The following TAS2R1 variants were observed in gnomAD, a reference collection of about 807,000 sequenced individuals.
TAS2R1 encodes the protein taste receptor type 2 member 1.
For missense variants in TAS2R1, 370 were observed against 353.4 expected, an observed-to-expected ratio of 1.05 and a Z score of -0.38; for synonymous variants, 141 against 134.2, an observed-to-expected ratio of 1.05 and a Z score of -0.35.
At chr5:9,864,145 G>A in the TAS2R1 span, among the ~76,000 whole-genome samples, 89 of 152,316 alleles carry the variant, frequency 5.8e-4, no homozygotes, top group Non-Finnish European at 1.1e-3. Context: ...TTCCTCAATG[G>A]AGCAGAAGCT....
chr5:9,739,058 TAACTGGAAATCAGAAACAAAGA>T, the TAS2R1 span, among the ~76,000 whole-genome samples: 1 of 152,210 alleles, frequency 6.6e-6, no homozygotes, highest in Non-Finnish European at 1.5e-5. Flanking sequence ...TAGAAAAAGC[TAACTGGAAATCAGAAACAAAGA>T]AGACAGCCTT....
chr5:9,646,903 T>C (rs1740199690), intron 2 of TAS2R1, among the ~76,000 whole-genome samples: 1 of 152,180 alleles, frequency 6.6e-6, no homozygotes, highest in African/African-American at 2.4e-5. Context: ...TGAAAACAAA[T>C]GAATACAATT....
At chr5:9,763,958 C>G in the TAS2R1 span, among the ~76,000 whole-genome samples, 1 of 152,156 alleles carries the variant, frequency 6.6e-6, no homozygotes. Context: ...ATGCAAGAAT[C>G]TAATTACTTC....
the TAS2R1 span, among the ~76,000 whole-genome samples, chr5:9,840,308 C>T: frequency 1.3e-5 from 2 of 152,152 alleles, no homozygotes; most frequent in Non-Finnish European, 2.9e-5. Context: ...ATCCAACCAT[C>T]GAGTTTACAT....
chr5:9,717,176 T>G (rs553156786), upstream of TAS2R1, among the ~76,000 whole-genome samples: 40 of 151,908 alleles, frequency 2.6e-4, no homozygotes, highest in Non-Finnish European at 4.0e-4. Flanking sequence ...CCAATACCAG[T>G]CAGGACTTGG....
At chr5:9,794,196 A>G in the TAS2R1 span, among the ~76,000 whole-genome samples, 51 of 152,292 alleles carry the variant, frequency 3.3e-4, no homozygotes, top group Middle Eastern at 3.4e-3. Context: ...TTGGGTTTTA[A>G]AATTTTTTAG....
chr5:9,696,903 C>T (rs1050332351), intron 1 of TAS2R1, among the ~76,000 whole-genome samples: 1 of 152,140 alleles, frequency 6.6e-6, no homozygotes, highest in Non-Finnish European at 1.5e-5. Flanking sequence ...ATCCCAGCTA[C>T]TTGGGAGGCT....
the TAS2R1 span, among the ~76,000 whole-genome samples, chr5:9,901,704 C>T: frequency 3.9e-5 from 6 of 152,270 alleles, no homozygotes; most frequent in South Asian, 2.1e-4. Flanking sequence ...ATAATTTCAA[C>T]TGCGCAAGCA....
chr5:9,693,331 A>AACTAAAAATACAAAATTTTTAGTTCTCT (rs1561380869), intron 1 of TAS2R1, among the ~76,000 whole-genome samples: 15 of 152,136 alleles, frequency 9.9e-5, no homozygotes, highest in African/African-American at 2.6e-4. Context: ...CAACATGGTG[A>AACTAAAAATACAAAATTTTTAGTTCTCT]ACTAAAAATA....
chr5:9,899,935 G>GT, the TAS2R1 span, among the ~76,000 whole-genome samples: 1 of 152,134 alleles, frequency 6.6e-6, no homozygotes, highest in African/African-American at 2.4e-5. Context: ...GTTGTTCCCA[G>GT]TTTTTTTCTA....
At chr5:9,711,092 A>G (rs974964986) in intron 1 of TAS2R1, among the ~76,000 whole-genome samples, 8 of 151,808 alleles carry the variant, frequency 5.3e-5, no homozygotes, top group African/African-American at 1.7e-4. Flanking sequence ...GCCTCTATGA[A>G]AAACACTATG....
the TAS2R1 span, among the ~76,000 whole-genome samples, chr5:9,823,892 A>G: frequency 6.6e-6 from 1 of 152,202 alleles, no homozygotes; most frequent in Non-Finnish European, 1.5e-5. Flanking sequence ...AGTGCCACTT[A>G]CAGAATGTGG....
At chr5:9,838,299 G>A in the TAS2R1 span, among the ~76,000 whole-genome samples, 7,796 of 152,158 alleles carry the variant, frequency 0.051, 284 homozygotes, top group East Asian at 0.19. Flanking sequence ...CCTTCTCCAG[G>A]CATATCTGTG....
chr5:9,680,924 A>G (rs1740982353), intron 1 of TAS2R1, among the ~76,000 whole-genome samples: 1 of 152,012 alleles, frequency 6.6e-6, no homozygotes, highest in Non-Finnish European at 1.5e-5. Context: ...TTAGCCAGGT[A>G]TGGTGGCAGG....
At chr5:9,767,363 T>G in the TAS2R1 span, among the ~76,000 whole-genome samples, 1 of 152,116 alleles carries the variant, frequency 6.6e-6, no homozygotes, top group African/African-American at 2.4e-5. Context: ...CCAGATCTCT[T>G]GTTCACACAG....
the TAS2R1 span, among the ~76,000 whole-genome samples, chr5:9,794,665 C>T: frequency 6.6e-6 from 1 of 152,124 alleles, no homozygotes. Context: ...GAGAAAATAT[C>T]TTTACTAAAA....
At chr5:9,889,139 C>G in the TAS2R1 span, among the ~76,000 whole-genome samples, 1 of 152,252 alleles carries the variant, frequency 6.6e-6, no homozygotes, top group South Asian at 2.1e-4. Flanking sequence ...TAAGCAGCAC[C>G]AGGGAGGCAG....
the TAS2R1 span, among the ~76,000 whole-genome samples, chr5:9,862,625 C>T: frequency 2.0e-5 from 3 of 152,056 alleles, no homozygotes; most frequent in African/African-American, 7.2e-5. Context: ...TATTTTGAGA[C>T]AGGGTCTGGC....
chr5:9,635,352 A>G (rs1739943616), intron 2 of TAS2R1, among the ~76,000 whole-genome samples: 1 of 152,026 alleles, frequency 6.6e-6, no homozygotes, highest in African/African-American at 2.4e-5. Context: ...GTTGGCTAGT[A>G]TTTTGTTGGG....
Sources: gnomAD v4.1 joint callset for allele counts (sites outside exome capture counted in the v4.1 genomes callset) on GRCh38, gnomAD v4.1.1 for gene constraint, MANE v1.5 for transcripts, NCBI Gene and HGNC (gene_info 2026-07-23, HGNC 2026-07-21) for gene names.